MARK2: variants seen among roughly 807,000 people sequenced by gnomAD.
MARK2 encodes microtubule affinity regulating kinase 2, also known as serine/threonine-protein kinase MARK2.
A neutral mutation model predicts 89.8 loss-of-function variants in MARK2; 16 were observed. The ratio of observed to expected loss-of-function variants is 0.18; its 90% CI spans 0.12 to 0.27. The LOEUF (loss-of-function observed/expected upper bound fraction) is 0.27, where lower values mean the gene tolerates loss of function less well. MARK2 is among the 10% of genes least tolerant of loss of function. The pLI is 1.00. For synonymous variants in MARK2, 382 were observed against 399.5 expected (o/e 0.96, Z 0.52); for missense variants, 621 against 1,049.9 (o/e 0.59, Z 5.65).
Position 63,868,160 on chromosome 11 carries a change from A to C in MARK2, c.55-26999A>C, listed in dbSNP as rs1017998807. ...TAATCCCCGCACTTTGGGAGGTAGA[A>C]GTGGGCAGATTGCTTGAGTCCAGGA... On this transcript the variant is annotated intron_variant, in intron 1 of 18. Transcript: ENST00000402010. Among the ~76,000 whole-genome samples, 9 of 151,986 alleles carry C rather than the reference A, an allele frequency of 5.9e-5. 1 individual carries two copies. Among genetic ancestry groups the C allele is most frequent in the Admixed American group, 4.6e-4 (7 of 15,260 alleles).
intron 1 of MARK2, among the ~76,000 whole-genome samples, chr11:63,852,491 G>A (rs2016620897): frequency 6.6e-6 from 1 of 151,696 alleles, no homozygotes; most frequent in Admixed American, 6.6e-5. Context: ...TTCTAAAATA[G>A]AAAAAAATTT....
chr11:63,868,471 G>A (rs1938256920), intron 1 of MARK2: 1 of 243,504 alleles, frequency 4.1e-6, no homozygotes, highest in Non-Finnish European at 8.4e-6. Context: ...GTCTTAACCA[G>A]TATCTTAAGT....
At chr11:63,852,046 T>C (rs2016598067) in intron 1 of MARK2, among the ~76,000 whole-genome samples, 1 of 152,222 alleles carries the variant, frequency 6.6e-6, no homozygotes, top group African/African-American at 2.4e-5. Context: ...AAAATTCTGT[T>C]CATAGTAACG....
In MARK2 at chr11:63,902,289, G is replaced by T; in HGVS notation, c.1193G>T (p.Ser398Ile). 6.2e-7 allele frequency: 1 copy of T among 1,614,160 alleles called. No homozygotes were observed. Among genetic ancestry groups the T allele is most frequent in the Non-Finnish European group, 8.5e-7 (1 of 1,180,012 alleles). Residue 398 changes from serine to isoleucine, a missense_variant, in exon 12 of 19, where the codon AGC becomes ATC. Around this residue, in one of 5 missense-constraint regions of MARK2, gnomAD observed 397 missense variants for 567.8 expected, o/e 0.70. Coordinates refer to ENST00000402010, the MANE Select transcript of MARK2 (RefSeq NM_001039469.3). The surrounding 1 kb of genome is among the most constrained non-coding windows in gnomAD (Gnocchi z 4.2). ...APSPSHKVQR[S>I]VSANPKQRRF... ...TCCCCATCCCACAAGGTACAGCGCA[G>T]CGTGTCGGCCAATCCCAAGCAGCGG...
rs902113605 is a variant in MARK2, at chr11:63,904,663, T to C, written c.1677-123T>C. ...TAGTCACACCCTTCCTTCTGTGTCCTCGTGATGGCTGCCTCTGCCCTAGCA... is the reference window on the plus strand; with the variant it reads ...TAGTCACACCCTTCCTTCTGTGTCCCCGTGATGGCTGCCTCTGCCCTAGCA... On this transcript the variant is annotated intron_variant, in intron 15 of 18. Coordinates refer to ENST00000402010, the MANE Select transcript of MARK2 (RefSeq NM_001039469.3). The surrounding 1 kb of genome is among the most constrained non-coding windows in gnomAD (Gnocchi z 6.3). 3 of 783,992 alleles carry C rather than the reference T, an allele frequency of 3.8e-6. No individual in the cohort carries two copies. The highest frequency in any genetic ancestry group is 6.6e-6 in the Non-Finnish European group (3 of 452,612). The allele number at this position is 783,992 out of a possible 1,614,324, so 48.6% of individuals were successfully genotyped here. A position where few individuals can be genotyped will look rare whatever the true frequency, so the allele number is the denominator to read the frequency against.
At position 63,841,677 on chromosome 11, in the gene MARK2, C is replaced by G. The variant is rs778528171; in HGVS notation, c.54+2117C>G. 3.1e-4 allele frequency among the ~76,000 whole-genome samples: 47 copies of G among 152,228 alleles called. 1 individual carries two copies. Among genetic ancestry groups the G allele is most frequent in the Non-Finnish European group, 1.3e-4 (9 of 68,036 alleles). On this transcript the variant is annotated intron_variant, in intron 1 of 18. Coordinates refer to ENST00000402010, the MANE Select transcript of MARK2 (RefSeq NM_001039469.3). The stretch of plus-strand genomic sequence containing the variant: ...AGGAGGAGGCCAAGTGACTGACTGG[C>G]ACCCTCAGGCATTTGGGGAGTGGCG...
chr11:63,860,547 CAA>C (rs758490977), intron 1 of MARK2, among the ~76,000 whole-genome samples: 5 of 113,830 alleles, frequency 4.4e-5, no homozygotes, highest in Admixed American at 9.8e-5. Context: ...GACTCCCTCT[CAA>C]AAAAAAAAAA....
At chr11:63,856,920 G>T (rs537390587) in intron 1 of MARK2, among the ~76,000 whole-genome samples, 121 of 151,128 alleles carry the variant, frequency 8.0e-4, no homozygotes, top group African/African-American at 2.5e-3. Context: ...CCATTCTCCT[G>T]CCTCAGCCTC....
At chr11:63,840,676 G>A (rs545156923) in intron 1 of MARK2, among the ~76,000 whole-genome samples, 6 of 152,160 alleles carry the variant, frequency 3.9e-5, no homozygotes, top group African/African-American at 1.2e-4. Context: ...TTTAATCAGC[G>A]TTGCCTTTCA....
At position 63,874,266 on chromosome 11, in the gene MARK2, A is replaced by G. The variant is rs144980727; in HGVS notation, c.55-20893A>G. Reference sequence around the variant, plus strand: ...CAATTACTTTCCTCCTGATTCCAACATAAGTGGTCACAGAAAGTTCTGTTT... The same window carrying G: ...CAATTACTTTCCTCCTGATTCCAACGTAAGTGGTCACAGAAAGTTCTGTTT... On this transcript the variant is annotated intron_variant, in intron 1 of 18. Transcript: ENST00000402010. 7.1e-3 allele frequency among the ~76,000 whole-genome samples: 1,075 copies of G among 152,318 alleles called. 9 individuals carry two copies. The highest frequency in any genetic ancestry group is 0.012 in the Non-Finnish European group (784 of 68,030).
At chr11:63,881,125 G>A (rs900287713) in intron 1 of MARK2, among the ~76,000 whole-genome samples, 1 of 151,174 alleles carries the variant, frequency 6.6e-6, no homozygotes, top group African/African-American at 2.4e-5. Flanking sequence ...CCAACATGGT[G>A]AAATCCCGTC....
chr11:63,870,380 A>C (rs1466018610), intron 1 of MARK2, among the ~76,000 whole-genome samples: 2 of 152,074 alleles, frequency 1.3e-5, no homozygotes, highest in Non-Finnish European at 2.9e-5. Context: ...GCTGGGAATG[A>C]TTTAAAAGTC....
intron 17 of MARK2, 35 bp downstream of exon 17, chr11:63,906,149 G>A: frequency 1.5e-6 from 2 of 1,293,640 alleles, no homozygotes; most frequent in Admixed American, 3.7e-5. Flanking sequence ...GTGTGTGTGT[G>A]TGTGTGTCTG....
chr11:63,873,771 G>A (rs540919472), intron 1 of MARK2, among the ~76,000 whole-genome samples: 4 of 152,266 alleles, frequency 2.6e-5, no homozygotes, highest in East Asian at 1.9e-4. Flanking sequence ...TCAGCCTCCC[G>A]AGTAGCTGAG....
At chr11:63,850,024 C>G (rs1039858678) in intron 1 of MARK2, 6 of 125,672 alleles carry the variant, frequency 4.8e-5, no homozygotes, top group African/African-American at 2.1e-4. Flanking sequence ...CACCACACAA[C>G]TCTAGGTCAG....
intron 1 of MARK2, chr11:63,868,425 T>A (rs1257985639): frequency 5.4e-6 from 1 of 185,918 alleles, no homozygotes; most frequent in Non-Finnish European, 1.1e-5. Context: ...AAGTCTGATA[T>A]CAGTCTATCT....
chr11:63,865,732 G>C (rs956814360), intron 1 of MARK2, among the ~76,000 whole-genome samples: 2 of 152,222 alleles, frequency 1.3e-5, no homozygotes, highest in African/African-American at 4.8e-5. Context: ...TTGATTAGAT[G>C]ACAGTCCTTT....
chr11:63,901,383 C>A (rs1283641056), intron 11 of MARK2, among the ~76,000 whole-genome samples: 1 of 137,336 alleles, frequency 7.3e-6, no homozygotes, highest in Non-Finnish European at 1.5e-5. Context: ...ATCTAGATAT[C>A]TTTGTGTCTC....
Position 63,903,647 on chromosome 11 carries a change from C to T in MARK2, c.1515-339C>T, listed in dbSNP as rs761821176. On this transcript the variant is annotated intron_variant, in intron 14 of 18. Transcript: ENST00000402010. The surrounding 1 kb of genome is among the most constrained non-coding windows in gnomAD (Gnocchi z 5.1). ...TTCTGAGTTTATGAAAGTTTCCCCT[C>T]AGCAACACCCCACTCTTTCTGTAGA... Among the ~76,000 whole-genome samples, 3 of 152,128 alleles carry T rather than the reference C, an allele frequency of 2.0e-5. No individual in the cohort carries two copies. The highest frequency in any genetic ancestry group is 2.9e-5 in the Non-Finnish European group (2 of 68,024).
Sources: gnomAD v4.1 joint callset for allele counts (sites outside exome capture counted in the v4.1 genomes callset) on GRCh38, gnomAD v4.1.1 for gene constraint, gnomAD v4.1.1 regional missense constraint, Gnocchi (gnomAD v3.1) non-coding constraint, MANE v1.5 for transcripts, NCBI Gene and HGNC (gene_info 2026-07-23, HGNC 2026-07-21) for gene names.